LRRC37A: variants seen among roughly 807,000 people sequenced by gnomAD.
The protein encoded by LRRC37A is leucine rich repeat containing 37A.
LRRC37A carries 3 observed loss-of-function variants against 35.4 expected under a neutral mutation model. That is an observed-to-expected ratio of 0.08 (90% CI 0.04 to 0.22). The LOEUF is 0.22. Among genes scored for constraint, LRRC37A ranks in the 10% least tolerant of loss-of-function variants. The pLI, the probability that LRRC37A is intolerant of heterozygous loss-of-function variation, is 1.00. For missense variants in LRRC37A, 67 were observed against 565.3 expected, an observed-to-expected ratio of 0.12 and a Z score of 8.94; for synonymous variants, 23 against 215.0, an observed-to-expected ratio of 0.11 and a Z score of 7.81.
chr17:46,277,580 T>TC, the LRRC37A span, among the ~76,000 whole-genome samples: 5 of 152,172 alleles, frequency 3.3e-5, no homozygotes, highest in Non-Finnish European at 5.9e-5. Context: ...AAATCCAGGC[T>TC]CCCTATGATC....
At chr17:46,285,408 T>A in the LRRC37A span, among the ~76,000 whole-genome samples, 4 of 151,866 alleles carry the variant, frequency 2.6e-5, no homozygotes, top group Admixed American at 1.3e-4. Flanking sequence ...ACCCGACTAG[T>A]TTTTTGTATT....
At chr17:46,248,269 C>G in the LRRC37A span, among the ~76,000 whole-genome samples, 90,500 of 124,548 alleles carry the variant, frequency 0.73, 32,458 homozygotes, top group East Asian at 0.94. Flanking sequence ...TACTAACATT[C>G]ACCCTTTTTA....
At chr17:46,279,184 CTTTTT>C in the LRRC37A span, among the ~76,000 whole-genome samples, 3 of 136,982 alleles carry the variant, frequency 2.2e-5, no homozygotes, top group Non-Finnish European at 3.1e-5. Context: ...TCTTTTTTTT[CTTTTT>C]TTTTTTTTTT....
chr17:46,317,150 G>A (rs1436684386), intron 5 of LRRC37A, among the ~76,000 whole-genome samples: 1 of 89,572 alleles, frequency 1.1e-5, no homozygotes, highest in African/African-American at 3.0e-5. Context: ...TGGGGTGGCG[G>A]CCGGGCAGAG....
chr17:46,269,407 G>A, the LRRC37A span, among the ~76,000 whole-genome samples: 1 of 152,166 alleles, frequency 6.6e-6, no homozygotes, highest in African/African-American at 2.4e-5. Flanking sequence ...GGTGGCACAT[G>A]CCTGTAATCC....
the LRRC37A span, among the ~76,000 whole-genome samples, chr17:46,270,132 G>C: frequency 6.6e-6 from 1 of 152,218 alleles, no homozygotes; most frequent in Non-Finnish European, 1.5e-5. Context: ...ACTGCCTAAA[G>C]AGAGACAGGG....
the LRRC37A span, chr17:46,274,810 T>C: frequency 6.6e-6 from 1 of 152,482 alleles, no homozygotes; most frequent in Non-Finnish European, 1.5e-5. Flanking sequence ...AACAAAATTT[T>C]CTCGCTTCTG....
At chr17:46,278,882 C>G in the LRRC37A span, among the ~76,000 whole-genome samples, 5 of 152,136 alleles carry the variant, frequency 3.3e-5, no homozygotes, top group African/African-American at 1.2e-4. Flanking sequence ...ACTGCAACCT[C>G]TGCCTCCTGG....
chr17:46,289,496 C>G (rs1351157372), upstream of LRRC37A, among the ~76,000 whole-genome samples: 2 of 152,162 alleles, frequency 1.3e-5, no homozygotes, highest in Non-Finnish European at 2.9e-5. Context: ...TAAAATCTGA[C>G]TTAAAATTTT....
chr17:46,265,392 TCTC>T, the LRRC37A span, among the ~76,000 whole-genome samples: 7 of 112,046 alleles, frequency 6.2e-5, no homozygotes, highest in South Asian at 7.3e-4. Flanking sequence ...TTCTCTTCCT[TCTC>T]CTCCTCCTTC....
At chr17:46,282,260 G>A in the LRRC37A span, among the ~76,000 whole-genome samples, 1 of 151,784 alleles carries the variant, frequency 6.6e-6, no homozygotes, top group Non-Finnish European at 1.5e-5. Context: ...CTGCCACCAC[G>A]CCCGCCTAAT....
At chr17:46,287,429 C>G in the LRRC37A span, among the ~76,000 whole-genome samples, 1 of 152,234 alleles carries the variant, frequency 6.6e-6, no homozygotes, top group East Asian at 1.9e-4. Context: ...GAAAACAAAG[C>G]AAAGCGCAAA....
At chr17:46,255,832 C>A in the LRRC37A span, among the ~76,000 whole-genome samples, 2 of 152,038 alleles carry the variant, frequency 1.3e-5, no homozygotes, top group African/African-American at 4.8e-5. Context: ...CCCGCCACCA[C>A]GCCTGGCTAA....
At chr17:46,249,899 G>C in the LRRC37A span, among the ~76,000 whole-genome samples, 86 of 152,314 alleles carry the variant, frequency 5.6e-4, no homozygotes, top group Middle Eastern at 3.4e-3. Flanking sequence ...CCACCTCCCG[G>C]GTTCAAGCAA....
the LRRC37A span, chr17:46,267,228 C>T: frequency 7.0e-6 from 5 of 716,720 alleles, no homozygotes; most frequent in Non-Finnish European, 1.1e-5. Flanking sequence ...GATCCCAGGG[C>T]GCCCGACCCA....
the LRRC37A span, among the ~76,000 whole-genome samples, chr17:46,265,261 CTTCTTCT>C: frequency 1.5e-4 from 3 of 20,382 alleles, no homozygotes; most frequent in African/African-American, 3.9e-4. Context: ...TCTTCTTCTT[CTTCTTCT>C]TCTTCTTCTT....
At chr17:46,259,508 C>T in the LRRC37A span, 1 of 1,592,660 alleles carries the variant, frequency 6.3e-7, no homozygotes, top group Admixed American at 1.7e-5. Context: ...GATACAGGCT[C>T]TGCATGCCCA....
rs1410139458 is a variant in LRRC37A at position 46,308,799 on chromosome 17, A to G, written c.2906+2490A>G. Among the ~76,000 whole-genome samples the G allele has an allele frequency of 2.6e-5, 2 of 76,218 alleles. 1 individual carries two copies. The highest frequency in any genetic ancestry group is 2.8e-4 in the Admixed American group (2 of 7,246). The allele number at this position is 76,218 out of a possible 152,430, so 50.0% of individuals were successfully genotyped here. The stretch of plus-strand genomic sequence containing the variant: ...TTACACAAGTTTATAAAAAACAAAC[A>G]AAAAAAGAGGCCCCAGCTGTGGTTG... On this transcript the variant is annotated intron_variant, in intron 5 of 13. Transcript: ENST00000320254.
the LRRC37A span, among the ~76,000 whole-genome samples, chr17:46,248,342 A>G: frequency 2.0e-5 from 3 of 152,130 alleles, no homozygotes; most frequent in Non-Finnish European, 4.4e-5. Context: ...CATTCCCAAT[A>G]TAAAGCATTT....
Sources: gnomAD v4.1 joint callset for allele counts (sites outside exome capture counted in the v4.1 genomes callset) on GRCh38, gnomAD v4.1.1 for gene constraint, MANE v1.5 for transcripts, NCBI Gene and HGNC (gene_info 2026-07-23, HGNC 2026-07-21) for gene names.